The following CAST variants were observed in gnomAD, a reference collection of about 807,000 sequenced individuals.
CAST encodes MIR583 host.
A neutral mutation model predicts 119.6 loss-of-function variants in CAST; 76 were observed. That is an observed-to-expected ratio of 0.64 (90% confidence interval 0.53 to 0.77). The LOEUF (loss-of-function observed/expected upper bound fraction) is 0.77, where lower values mean the gene tolerates loss of function less well. Among genes scored for constraint, CAST ranks in the 30% least tolerant of loss-of-function variants. The pLI, the probability that CAST is intolerant of heterozygous loss-of-function variation, is 0.00. For missense variants in CAST, 953 were observed against 946.5 expected, an observed-to-expected ratio of 1.01 and a Z score of -0.09; for synonymous variants, 319 against 331.6, an observed-to-expected ratio of 0.96 and a Z score of 0.41.
chr5:96,115,460 A>G, the CAST span, among the ~76,000 whole-genome samples: 1 of 152,208 alleles, frequency 6.6e-6, no homozygotes, highest in Non-Finnish European at 1.5e-5. Context: ...CAACCCTATT[A>G]GGTAGGCATG....
the CAST span, among the ~76,000 whole-genome samples, chr5:96,217,404 T>C: frequency 6.6e-6 from 1 of 151,970 alleles, no homozygotes; most frequent in Admixed American, 6.6e-5. Context: ...TGGAAAATAA[T>C]TGTTTCTTTC....
intron 3 of CAST, among the ~76,000 whole-genome samples, chr5:96,701,267 C>T (rs1393518995): frequency 1.3e-5 from 2 of 151,964 alleles, no homozygotes; most frequent in African/African-American, 4.8e-5. Flanking sequence ...CTCATCTGTA[C>T]TCATCAGGAG....
At chr5:96,507,684 C>A in the CAST span, among the ~76,000 whole-genome samples, 2 of 152,152 alleles carry the variant, frequency 1.3e-5, no homozygotes, top group Admixed American at 6.5e-5. Flanking sequence ...ACCCAGGGTG[C>A]TCTGTCCTCC....
At chr5:96,208,594 A>G in the CAST span, among the ~76,000 whole-genome samples, 3 of 152,088 alleles carry the variant, frequency 2.0e-5, no homozygotes. Flanking sequence ...CCCAAAAATC[A>G]TTCCAGAGAA....
the CAST span, among the ~76,000 whole-genome samples, chr5:96,337,493 T>C: frequency 2.6e-4 from 39 of 152,214 alleles, no homozygotes; most frequent in Non-Finnish European, 4.7e-4. Flanking sequence ...TTTATGTCCG[T>C]AGTAACACTG....
the CAST span, among the ~76,000 whole-genome samples, chr5:96,309,842 C>A: frequency 6.6e-6 from 1 of 152,246 alleles, no homozygotes; most frequent in South Asian, 2.1e-4. Flanking sequence ...ATGCAGAAAT[C>A]ACCCGCCTTC....
chr5:96,438,448 G>A, the CAST span, among the ~76,000 whole-genome samples: 33 of 152,192 alleles, frequency 2.2e-4, no homozygotes, highest in African/African-American at 7.5e-4. Context: ...ATTCAATTAA[G>A]ACTCCCTATT....
At chr5:96,439,035 C>A in the CAST span, among the ~76,000 whole-genome samples, 3 of 152,098 alleles carry the variant, frequency 2.0e-5, no homozygotes, top group Non-Finnish European at 4.4e-5. Flanking sequence ...TGCTATTAAC[C>A]TATCACTTTC....
the CAST span, among the ~76,000 whole-genome samples, chr5:96,301,424 A>G: frequency 2.6e-5 from 4 of 152,076 alleles, no homozygotes; most frequent in Non-Finnish European, 5.9e-5. Context: ...TCCAAGCCTA[A>G]TTATGCCTTT....
the CAST span, chr5:96,434,288 G>A: frequency 6.6e-6 from 1 of 152,258 alleles, no homozygotes; most frequent in African/African-American, 2.4e-5. Flanking sequence ...ATTGAACCTG[G>A]CGGGAGATAC....
At chr5:96,397,730 A>G in the CAST span, among the ~76,000 whole-genome samples, 7 of 152,192 alleles carry the variant, frequency 4.6e-5, no homozygotes, top group Non-Finnish European at 8.8e-5. Flanking sequence ...TGAATGAATG[A>G]ATGAAAATGT....
chr5:96,534,816 G>GA (rs1240977658), intron 1 of CAST, among the ~76,000 whole-genome samples: 1 of 139,104 alleles, frequency 7.2e-6, no homozygotes, highest in African/African-American at 2.6e-5. Context: ...AAGAAAGAAA[G>GA]AAAGAAAAGA....
the CAST span, among the ~76,000 whole-genome samples, chr5:96,319,353 C>A: frequency 6.6e-6 from 1 of 152,290 alleles, no homozygotes; most frequent in Non-Finnish European, 1.5e-5. Flanking sequence ...CAAACCATAT[C>A]AGGTAAATGC....
intron 1 of CAST, among the ~76,000 whole-genome samples, chr5:96,662,830 G>A (rs1748744950): frequency 1.3e-5 from 2 of 152,226 alleles, no homozygotes; most frequent in African/African-American, 4.8e-5. Flanking sequence ...AGTGAGTGGG[G>A]TGGTTTCACT....
chr5:96,013,039 C>T, the CAST span, among the ~76,000 whole-genome samples: 2 of 152,082 alleles, frequency 1.3e-5, no homozygotes, highest in Non-Finnish European at 2.9e-5. Flanking sequence ...TGTAGGTCTT[C>T]AAGAATAAAT....
At chr5:96,644,515 AAC>A (rs904013111) in intron 1 of CAST, among the ~76,000 whole-genome samples, 6 of 152,230 alleles carry the variant, frequency 3.9e-5, no homozygotes, top group Admixed American at 1.3e-4. Flanking sequence ...TTTTTCTTAT[AAC>A]AGTTTATTTT....
At chr5:96,475,703 T>C in the CAST span, among the ~76,000 whole-genome samples, 2 of 152,174 alleles carry the variant, frequency 1.3e-5, no homozygotes, top group Non-Finnish European at 2.9e-5. Flanking sequence ...GAAGTTTCCA[T>C]GCCCTTCAGT....
At chr5:95,961,464 G>T in the CAST span, 1 of 1,278,654 alleles carries the variant, frequency 7.8e-7, no homozygotes, top group Non-Finnish European at 1.0e-6. Flanking sequence ...TGCGGGCGCT[G>T]ACGGTAGCAG....
At chr5:96,770,236 A>G (rs1173985564) in intron 29 of CAST, 2 of 349,454 alleles carry the variant, frequency 5.7e-6, no homozygotes, top group Non-Finnish European at 1.1e-5. Context: ...TTTATTATCT[A>G]TTGACAAGCT....
Sources: allele counts gnomAD v4.1 joint callset (sites outside exome capture counted in the v4.1 genomes callset), GRCh38; gene constraint gnomAD v4.1.1; transcripts MANE v1.5; gene names NCBI Gene and HGNC (gene_info 2026-07-23, HGNC 2026-07-21).